The following PTPRN2 variants were observed in gnomAD, a reference collection of about 807,000 sequenced individuals.
PTPRN2 encodes receptor-type tyrosine-protein phosphatase N2.
PTPRN2 carries 74 observed loss-of-function variants against 118.8 expected under a neutral mutation model. That is an observed-to-expected ratio of 0.62 (90% CI 0.52 to 0.76). The LOEUF (loss-of-function observed/expected upper bound fraction) is 0.76. Ranked by LOEUF, PTPRN2 falls within the 30% of genes least tolerant of loss-of-function variation. PTPRN2 has a pLI of 0.00. For missense variants in PTPRN2, 1,481 were observed against 1,394.4 expected (o/e 1.06, Z -0.99); for synonymous variants, 641 against 608.0 (o/e 1.05, Z -0.80).
At position 158,544,368 on chromosome 7, in the gene PTPRN2, G is replaced by A. The variant is rs954596127; in HGVS notation, c.112+43190C>T. ...TGAGATTTTTTGGCCGGGTGCGGTG[G>A]CTCATGCCTGTAATCCCAGCACTTT... On this transcript the variant is annotated intron_variant, in intron 1 of 22. Coordinates refer to ENST00000389418, the MANE Select transcript of PTPRN2 (RefSeq NM_002847.5). The surrounding 1 kb of genome is among the most constrained non-coding windows in gnomAD (Gnocchi z 4.2). 2.6e-5 allele frequency among the ~76,000 whole-genome samples: 4 copies of A among 152,146 alleles called. No individual in the cohort carries two copies. The highest frequency in any genetic ancestry group is 2.0e-4 in the Admixed American group (3 of 15,274).
At chr7:158,193,688 C>T (rs558940690) in intron 4 of PTPRN2, among the ~76,000 whole-genome samples, 2 of 152,236 alleles carry the variant, frequency 1.3e-5, no homozygotes, top group South Asian at 4.1e-4. Context: ...AGCTCACCCG[C>T]AGACTCTGCC....
intron 11 of PTPRN2, among the ~76,000 whole-genome samples, chr7:158,046,046 G>T (rs1002113072): frequency 2.0e-4 from 30 of 146,652 alleles, no homozygotes; most frequent in Admixed American, 1.3e-3. Flanking sequence ...CAGAACCTGT[G>T]ATCCTGGCGT....
intron 3 of PTPRN2, among the ~76,000 whole-genome samples, chr7:158,239,391 C>A (rs1313857373): frequency 6.6e-6 from 1 of 152,184 alleles, no homozygotes; most frequent in Non-Finnish European, 1.5e-5. Flanking sequence ...CTTGTTCTTT[C>A]CTGGGGCGCT....
intron 1 of PTPRN2, among the ~76,000 whole-genome samples, chr7:158,547,489 C>T (rs936266792): frequency 6.6e-6 from 1 of 152,216 alleles, no homozygotes; most frequent in African/African-American, 2.4e-5. Context: ...CTTGTCCTTC[C>T]GTGTCTGGCT....
At chr7:158,414,890 G>A (rs564716583) in intron 2 of PTPRN2, among the ~76,000 whole-genome samples, 23 of 152,350 alleles carry the variant, frequency 1.5e-4, no homozygotes, top group African/African-American at 1.9e-4. Flanking sequence ...GAGGAGGGGC[G>A]GGGGAAGGTA....
intron 4 of PTPRN2, among the ~76,000 whole-genome samples, chr7:158,195,734 G>A (rs1246769039): frequency 6.6e-6 from 1 of 151,874 alleles, no homozygotes; most frequent in Non-Finnish European, 1.5e-5. Flanking sequence ...TTCCACCCAT[G>A]AAATTTTCCT....
intron 3 of PTPRN2, among the ~76,000 whole-genome samples, chr7:158,310,725 CAA>C (rs1316784174): frequency 1.8e-4 from 27 of 147,166 alleles, no homozygotes; most frequent in African/African-American, 6.6e-4. Context: ...GGACAGAGCG[CAA>C]GTCCCACGGA....
At chr7:157,773,477 C>T (rs536596075) in intron 12 of PTPRN2, among the ~76,000 whole-genome samples, 6 of 152,342 alleles carry the variant, frequency 3.9e-5, no homozygotes, top group South Asian at 4.1e-4. Flanking sequence ...CAGCACCACC[C>T]GTGTCTTCAT....
At chr7:158,000,714 T>A (rs528966141) in intron 11 of PTPRN2, among the ~76,000 whole-genome samples, 13 of 730 alleles carry the variant, frequency 0.018, no homozygotes, top group East Asian at 0.036. Context: ...GCAGGTGGGG[T>A]GCAGGGTGGG....
Position 158,371,966 on chromosome 7 carries a change from G to A in PTPRN2, c.164-55034C>T, listed in dbSNP as rs148255843. On this transcript the variant is annotated intron_variant, in intron 2 of 22. Transcript: ENST00000389418. ...CGCACTCAGCGTCCGTCGTGGCCCC[G>A]GGGATGAGGTTCTGTGAGTCACGCC... is the stretch of plus-strand genomic sequence containing the variant. Among the ~76,000 whole-genome samples the A allele has an allele frequency of 3.4e-3, 511 of 152,330 alleles. 3 individuals carry two copies. Among genetic ancestry groups the A allele is most frequent in the African/African-American group, 1.0e-2 (415 of 41,570 alleles).
chr7:158,247,681 A>C (rs1380962033), intron 3 of PTPRN2, among the ~76,000 whole-genome samples: 1 of 152,070 alleles, frequency 6.6e-6, no homozygotes, highest in Non-Finnish European at 1.5e-5. Context: ...CTATGGTGCG[A>C]TCTTGGCTCA....
At chr7:158,503,867 G>C (rs907430908) in intron 1 of PTPRN2, among the ~76,000 whole-genome samples, 11 of 152,068 alleles carry the variant, frequency 7.2e-5, no homozygotes, top group African/African-American at 2.7e-4. Context: ...CAGGCGTGGT[G>C]GTGTGTGCCT....
intron 2 of PTPRN2, among the ~76,000 whole-genome samples, chr7:158,333,894 T>C (rs796388025): frequency 9.8e-6 from 1 of 102,424 alleles, no homozygotes; most frequent in Admixed American, 9.5e-5. Context: ...CCATAAGAGC[T>C]GACACCCGCA....
chr7:158,520,932 A>C (rs1823940425), intron 1 of PTPRN2, among the ~76,000 whole-genome samples: 1 of 152,096 alleles, frequency 6.6e-6, no homozygotes, highest in South Asian at 2.1e-4. Flanking sequence ...AACCACAGGC[A>C]CCCTGCAGGC....
chr7:157,941,757 T>C (rs1800143061), intron 11 of PTPRN2, among the ~76,000 whole-genome samples: 1 of 152,106 alleles, frequency 6.6e-6, no homozygotes, highest in Non-Finnish European at 1.5e-5. Context: ...TGGAGTGGGG[T>C]CAGCATGTGG....
At chr7:158,263,122 C>CAT (rs71198592) in intron 3 of PTPRN2, among the ~76,000 whole-genome samples, 9,089 of 64,648 alleles carry the variant, frequency 0.14, 329 homozygotes, top group African/African-American at 0.25. Context: ...ACTGCACACA[C>CAT]ATACACATAT....
At chr7:157,638,720 G>T (rs1249606250) in intron 14 of PTPRN2, among the ~76,000 whole-genome samples, 1 of 152,270 alleles carries the variant, frequency 6.6e-6, no homozygotes, top group Non-Finnish European at 1.5e-5. Context: ...GGAGGGTGAG[G>T]TGGGAGTGGA....
intron 3 of PTPRN2, among the ~76,000 whole-genome samples, chr7:158,283,374 C>A (rs1006958010): frequency 1.3e-5 from 2 of 152,144 alleles, no homozygotes; most frequent in African/African-American, 4.8e-5. Flanking sequence ...TGCCATCCGT[C>A]CCAGAGCCCA....
chr7:158,241,248 G>A (rs1187182044), intron 3 of PTPRN2, among the ~76,000 whole-genome samples: 3 of 152,218 alleles, frequency 2.0e-5, no homozygotes, highest in Non-Finnish European at 2.9e-5. Flanking sequence ...GGGCGTGGTG[G>A]CTTACACCTG....
Sources: gnomAD v4.1 joint callset for allele counts (sites outside exome capture counted in the v4.1 genomes callset) on GRCh38, gnomAD v4.1.1 for gene constraint, Gnocchi (gnomAD v3.1) non-coding constraint, MANE v1.5 for transcripts, NCBI Gene and HGNC (gene_info 2026-07-23, HGNC 2026-07-21) for gene names.